VPS13A: variants seen among roughly 807,000 people sequenced by gnomAD.
VPS13A encodes vacuolar protein sorting 13 homolog A.
VPS13A carries 264 observed loss-of-function variants against 390.9 expected under a neutral mutation model. That is an observed-to-expected ratio of 0.68 (90% CI 0.61 to 0.75). The LOEUF (loss-of-function observed/expected upper bound fraction) is 0.75, where lower values mean the gene tolerates loss of function less well. VPS13A is among the 30% of genes least tolerant of loss of function. VPS13A has a pLI of 0.00. For synonymous variants in VPS13A, 1,231 were observed against 1,227.1 expected, an observed-to-expected ratio of 1.00 and a Z score of -0.07; for missense variants, 3,409 against 3,733.9, an observed-to-expected ratio of 0.91 and a Z score of 2.27.
At chr9:77,326,229 T>G (rs72746004) in intron 45 of VPS13A, among the ~76,000 whole-genome samples, 28 of 152,308 alleles carry the variant, frequency 1.8e-4, no homozygotes, top group Non-Finnish European at 3.4e-4. Context: ...ATGATGAATC[T>G]TACTGTAGTT....
At chr9:77,342,885 G>A (rs894578200) in intron 50 of VPS13A, among the ~76,000 whole-genome samples, 2 of 152,174 alleles carry the variant, frequency 1.3e-5, no homozygotes, top group African/African-American at 4.8e-5. Context: ...CACAAACATG[G>A]GGATTGTCTC....
At chr9:77,236,768 A>G (rs534799941) in intron 17 of VPS13A, among the ~76,000 whole-genome samples, 1 of 152,352 alleles carries the variant, frequency 6.6e-6, no homozygotes, top group Admixed American at 6.5e-5. Flanking sequence ...GGAGAATGCC[A>G]TGTGACGATA....
chr9:77,186,707 A>G (rs774090788), intron 1 of VPS13A, among the ~76,000 whole-genome samples: 5 of 152,154 alleles, frequency 3.3e-5, no homozygotes, highest in African/African-American at 4.8e-5. Flanking sequence ...AAGTGCTGGG[A>G]TTACAGGTGT....
At chr9:77,307,282 T>TATA (rs1450949073) in intron 34 of VPS13A, among the ~76,000 whole-genome samples, 10 of 152,126 alleles carry the variant, frequency 6.6e-5, no homozygotes, top group Non-Finnish European at 1.5e-5. Context: ...TTCAGTGTCT[T>TATA]ATAAATATAA....
chr9:77,358,405 G>A lies in VPS13A; in HGVS notation c.8002G>A (p.Val2668Ile). ...TGTATTTCCCTTTGTGTTTTATCCT[G>A]TTAAACCTCCAAAGTCGGTCACCAT... Reference protein sequence around the residue: ...GAVFPFVFYPVKPPKSVTMDS... With the variant: ...GAVFPFVFYPIKPPKSVTMDS... Residue 2668 changes from valine to isoleucine, a missense_variant, in exon 57 of 72, where the codon GTT (valine) becomes ATT (isoleucine). Val to Ile is a conservative substitution (Grantham distance 29). Around this residue, in one of 5 missense-constraint regions of VPS13A, gnomAD observed 221 missense variants for 300.7 expected, o/e 0.73. Coordinates refer to ENST00000360280, the MANE Select transcript of VPS13A (RefSeq NM_033305.3). 1 of 1,613,532 alleles carries A rather than the reference G, an allele frequency of 6.2e-7. No homozygotes were observed. Among genetic ancestry groups the A allele is most frequent in the Non-Finnish European group, 8.5e-7 (1 of 1,179,924 alleles).
intron 17 of VPS13A, among the ~76,000 whole-genome samples, chr9:77,236,135 A>G (rs966946182): frequency 2.0e-5 from 3 of 152,182 alleles, no homozygotes; most frequent in African/African-American, 7.2e-5. Context: ...AACTTATGAC[A>G]TATTCAACTT....
At chr9:77,215,072 A>G (rs1822777185) in intron 10 of VPS13A, among the ~76,000 whole-genome samples, 1 of 152,178 alleles carries the variant, frequency 6.6e-6, no homozygotes, top group Non-Finnish European at 1.5e-5. Flanking sequence ...CCTGGGAGGT[A>G]GAGGTTGCAA....
intron 5 of VPS13A, among the ~76,000 whole-genome samples, chr9:77,207,587 T>C (rs1771749115): frequency 6.6e-6 from 1 of 151,966 alleles, no homozygotes; most frequent in Non-Finnish European, 1.5e-5. Context: ...TTTGTAGGCT[T>C]TTAGTTAACC....
At chr9:77,186,238 TGTC>T (rs1302776001) in intron 1 of VPS13A, among the ~76,000 whole-genome samples, 1 of 152,230 alleles carries the variant, frequency 6.6e-6, no homozygotes, top group Non-Finnish European at 1.5e-5. Context: ...GTAACATTGT[TGTC>T]ATTAATTTCA....
At chr9:77,369,744 C>T (rs1832643300) in intron 63 of VPS13A, among the ~76,000 whole-genome samples, 1 of 152,288 alleles carries the variant, frequency 6.6e-6, no homozygotes, top group East Asian at 1.9e-4. Context: ...GACACCTGGC[C>T]AAGCAATCTT....
chr9:77,366,687 A>C, intron 60 of VPS13A, 40 bp from the exon 61 acceptor site: 1 of 1,537,954 alleles, frequency 6.5e-7, no homozygotes, highest in Non-Finnish European at 8.8e-7. Context: ...TGTCAATATG[A>C]AGAAAATACT....
chr9:77,178,574 A>G (rs1031890712), intron 1 of VPS13A, among the ~76,000 whole-genome samples: 6 of 152,200 alleles, frequency 3.9e-5, no homozygotes, highest in Non-Finnish European at 7.4e-5. Context: ...GTGCGGTGCA[A>G]CGTCTCAGAC....
chr9:77,312,897 T>G (rs1829174737), intron 35 of VPS13A, among the ~76,000 whole-genome samples: 1 of 152,182 alleles, frequency 6.6e-6, no homozygotes, highest in South Asian at 2.1e-4. Flanking sequence ...TGTACCTACC[T>G]TTAACAGAGC....
At chr9:77,325,216 T>C (rs532377843) in intron 45 of VPS13A, among the ~76,000 whole-genome samples, 4 of 152,324 alleles carry the variant, frequency 2.6e-5, no homozygotes, top group Non-Finnish European at 4.4e-5. Context: ...TCTAATGCTC[T>C]GGCTGATCTG....
intron 68 of VPS13A, among the ~76,000 whole-genome samples, chr9:77,387,319 A>C (rs1284696783): frequency 6.6e-6 from 1 of 152,206 alleles, no homozygotes; most frequent in African/African-American, 2.4e-5. Flanking sequence ...GAACTTTTAA[A>C]ATGGTAGTAT....
At chr9:77,400,783 G>T (rs1425317999) in intron 68 of VPS13A, among the ~76,000 whole-genome samples, 1 of 147,820 alleles carries the variant, frequency 6.8e-6, no homozygotes, top group Non-Finnish European at 1.5e-5. Context: ...AGCCGAGATC[G>T]CATCACTGCA....
chr9:77,374,644 G>A (rs1475812510), intron 67 of VPS13A, among the ~76,000 whole-genome samples: 1 of 152,190 alleles, frequency 6.6e-6, no homozygotes, highest in Non-Finnish European at 1.5e-5. Context: ...AAGCAGAACT[G>A]TGGATAAGCG....
chr9:77,282,222 C>G lies in VPS13A; in HGVS notation c.3066C>G (p.Ala1022=). ...NILPQSEEKS[A]PVSTTETEDK... is the part of the protein sequence containing the mutation. ...TTCCGCAATCAGAGGAAAAATCAGCCCCAGTGTCCACTACAGAGACTGAAG... is the reference window on the plus strand; with the variant it reads ...TTCCGCAATCAGAGGAAAAATCAGCGCCAGTGTCCACTACAGAGACTGAAG... The change falls in exon 29 of 72, where the codon GCC becomes GCG. Residue 1022 remains alanine (A), a synonymous_variant. Coordinates refer to ENST00000360280, the MANE Select transcript of VPS13A (RefSeq NM_033305.3). The G allele has an allele frequency of 6.2e-7, 1 of 1,613,456 alleles. No individual in the cohort carries two copies.
At position 77,357,834 on chromosome 9, in the gene VPS13A, T is replaced by C. The variant is rs771035266; in HGVS notation, c.7949T>C (p.Ile2650Thr). ...TCATTTAGAATTCAGATTTACAGAA[T>C]ACAGGTAAGTCTTTCTGAAAATATA... ...QSSFRIQIYR[I>T]QIQNQIHGAV... Residue 2650 changes from isoleucine (I) to threonine (T), a missense_variant, in exon 56 of 72, where the codon ATA (isoleucine) becomes ACA (threonine). Physicochemically the swap from Ile to Thr is moderately conservative, Grantham distance 89. This residue lies in a region of VPS13A where 221 missense variants were observed against 300.7 expected (regional missense o/e 0.73). Transcript: ENST00000360280. The C allele has an allele frequency of 6.2e-7, 1 of 1,612,398 alleles. No homozygotes were observed. Among genetic ancestry groups the C allele is most frequent in the African/African-American group, 1.3e-5 (1 of 74,542 alleles).
Sources: gnomAD v4.1 joint callset for allele counts (sites outside exome capture counted in the v4.1 genomes callset) on GRCh38, gnomAD v4.1.1 for gene constraint, gnomAD v4.1.1 regional missense constraint, MANE v1.5 for transcripts, NCBI Gene and HGNC (gene_info 2026-07-23, HGNC 2026-07-21) for gene names.